UGGT2: variants seen among roughly 807,000 people sequenced by gnomAD.
UGGT2 encodes the protein UDP-glucose glycoprotein glucosyltransferase 2.
UGGT2 carries 180 observed loss-of-function variants against 192.1 expected under a neutral mutation model. The observed-to-expected ratio is 0.94, with a 90% CI of 0.83 to 1.06. The LOEUF (loss-of-function observed/expected upper bound fraction) is 1.06. UGGT2 is among the 50% of genes least tolerant of loss of function. The probability of loss-of-function intolerance (pLI) is 0.00; values close to 1 mark genes in which losing one functional copy is unlikely to be tolerated. For missense variants in UGGT2, 1,849 were observed against 1,795.7 expected, an observed-to-expected ratio of 1.03 and a Z score of -0.54; for synonymous variants, 580 against 591.0, an observed-to-expected ratio of 0.98 and a Z score of 0.27.
At position 95,955,352 on chromosome 13, in the gene UGGT2, A is replaced by G. The variant is rs186957200; in HGVS notation, c.1336-5898T>C. Among the ~76,000 whole-genome samples, 3 of 152,266 alleles carry G rather than the reference A, an allele frequency of 2.0e-5. No individual in the cohort carries two copies. In the East Asian group the frequency reaches 5.8e-4, roughly 29 times the overall value. On this transcript the variant is annotated intron_variant, in intron 12 of 38. Coordinates refer to ENST00000376747, the MANE Select transcript of UGGT2 (RefSeq NM_020121.4). ...TAGATTAGTTTCCAGAAAAGTTGCA[A>G]TAGGCCAAAAAGGTAAAAAATGAAA...
At position 95,877,703 on chromosome 13, in the gene UGGT2, G is replaced by A. The variant is rs2047380506; in HGVS notation, c.3382C>T (p.His1128Tyr). ...PAVVDTIVMA[H>Y]HGYFQLKANP... Reference sequence around the variant, plus strand: ...ATCAATTAAATAATACTTACATGATGTGCCATCACTATTGTATCAACCACA... The same window carrying A: ...ATCAATTAAATAATACTTACATGATATGCCATCACTATTGTATCAACCACA... The change falls in exon 28 of 39, where the codon CAT (histidine) becomes TAT (tyrosine). Residue 1128 changes from histidine (H) to tyrosine (Y), a missense_variant. Coordinates refer to ENST00000376747, the MANE Select transcript of UGGT2 (RefSeq NM_020121.4). The A allele has an allele frequency of 1.2e-6, 2 of 1,611,286 alleles. No homozygotes were observed. Among genetic ancestry groups the A allele is most frequent in the South Asian group, 1.1e-5 (1 of 90,134 alleles).
rs961676012 is a variant in UGGT2, at chr13:95,995,610, CA to C, written c.830+452del. ...TCTGCAATACACACAAACTGGTACA[CA>C]AAAAAAAAATTAAATGAAAAAGTAG... On this transcript the variant is annotated intron_variant, in intron 7 of 38. Coordinates refer to ENST00000376747, the MANE Select transcript of UGGT2 (RefSeq NM_020121.4). Among the ~76,000 whole-genome samples, 92 of 144,484 alleles carry C rather than the reference CA, an allele frequency of 6.4e-4. 2 individuals carry two copies. In the East Asian group the frequency reaches 0.016, roughly 26 times the overall value. 94.8% of individuals were successfully genotyped at this position (144,484 alleles called of 152,430 possible).
chr13:95,942,710 C>T lies in UGGT2; in HGVS notation c.1678-2619G>A, dbSNP rs375819511. Reference sequence around the variant, plus strand: ...CATGGAATATAAATATTTTATTGGCCATATGTATTGTAAATACTTCTCCTG... The same window carrying T: ...CATGGAATATAAATATTTTATTGGCTATATGTATTGTAAATACTTCTCCTG... On this transcript the variant is annotated intron_variant, in intron 15 of 38. Transcript: ENST00000376747. Among the ~76,000 whole-genome samples the T allele has an allele frequency of 2.0e-4, 31 of 151,990 alleles. No individual in the cohort carries two copies. The East Asian group carries it at 5.8e-3, about 28-fold the overall frequency.
intron 1 of UGGT2, among the ~76,000 whole-genome samples, chr13:96,036,858 G>A (rs920634020): frequency 5.3e-5 from 8 of 151,656 alleles, no homozygotes; most frequent in African/African-American, 1.2e-4. Flanking sequence ...GGTCTCAAGC[G>A]ATCCTCCCAC....
chr13:95,938,210 T>C (rs1329149104), intron 16 of UGGT2, among the ~76,000 whole-genome samples: 1 of 152,096 alleles, frequency 6.6e-6, no homozygotes, highest in Non-Finnish European at 1.5e-5. Context: ...AGCGTGAAAA[T>C]GGACTAATAC....
intron 20 of UGGT2, among the ~76,000 whole-genome samples, chr13:95,924,395 T>C (rs2048951502): frequency 5.0e-5 from 2 of 39,890 alleles, no homozygotes; most frequent in Non-Finnish European, 9.6e-5. Flanking sequence ...CCAAACAGCT[T>C]TTTTTTTTTT....
intron 12 of UGGT2, among the ~76,000 whole-genome samples, chr13:95,969,824 T>C (rs144163567): frequency 1.3e-5 from 2 of 152,328 alleles, no homozygotes; most frequent in Non-Finnish European, 2.9e-5. Context: ...AACCATGTAT[T>C]TGGTGTCTTG....
intron 20 of UGGT2, among the ~76,000 whole-genome samples, chr13:95,908,906 A>G (rs1172504559): frequency 9.9e-5 from 13 of 130,750 alleles, no homozygotes; most frequent in Non-Finnish European, 1.9e-4. Flanking sequence ...TTGCCTGTTC[A>G]CTCTGATGGT....
At chr13:95,874,779 C>A (rs1178479394) in intron 29 of UGGT2, among the ~76,000 whole-genome samples, 1 of 152,026 alleles carries the variant, frequency 6.6e-6, no homozygotes, top group Non-Finnish European at 1.5e-5. Context: ...GCAGTTGCCA[C>A]CTCGTGGGGT....
intron 36 of UGGT2, among the ~76,000 whole-genome samples, chr13:95,843,631 T>C (rs979078840): frequency 1.3e-5 from 2 of 152,200 alleles, no homozygotes; most frequent in Non-Finnish European, 2.9e-5. Flanking sequence ...TTGGAATTAA[T>C]TTTTACTTAC....
chr13:95,894,580 A>G lies in UGGT2; in HGVS notation c.2837T>C (p.Phe946Ser), dbSNP rs761575066. The change falls in exon 24 of 39, where the codon TTT (phenylalanine) becomes TCT (serine). Residue 946 changes from phenylalanine (F) to serine (S), a missense_variant. Transcript: ENST00000376747. The part of the protein sequence containing the change: ...PKRASRYDVT[F>S]LRENHSVIKT... ...TTCTTACCTGTGATTCTCCCTAAGA[A>G]ATGTGACATCATATCGAGATGCACG... 6.2e-7 allele frequency: 1 copy of G among 1,610,316 alleles called. No individual in the cohort carries two copies.
chr13:95,959,692 A>C (rs969053301), intron 12 of UGGT2, among the ~76,000 whole-genome samples: 1 of 152,192 alleles, frequency 6.6e-6, no homozygotes, highest in African/African-American at 2.4e-5. Flanking sequence ...TAGGTCCTAG[A>C]GAATTGTCCC....
intron 20 of UGGT2, 73 bp downstream of exon 20, chr13:95,925,607 T>C: frequency 5.0e-6 from 5 of 992,122 alleles, no homozygotes; most frequent in Non-Finnish European, 7.0e-6. Context: ...AAATATTTAA[T>C]GTATGTTCTT....
chr13:95,861,750 GA>G (rs1428023390), intron 31 of UGGT2, among the ~76,000 whole-genome samples: 5 of 152,034 alleles, frequency 3.3e-5, no homozygotes, highest in Non-Finnish European at 7.4e-5. Flanking sequence ...TGTTATGACA[GA>G]AGTATTTTTC....
Position 95,970,194 on chromosome 13 carries a change from T to TC in UGGT2, c.1252dup (p.Glu418GlyfsTer31). 1 of 1,613,100 alleles carries TC rather than the reference T, an allele frequency of 6.2e-7. No individual in the cohort carries two copies. Among genetic ancestry groups the TC allele is most frequent in the Non-Finnish European group, 8.5e-7 (1 of 1,179,198 alleles). On this transcript the variant is annotated frameshift_variant, in exon 12 of 39. Coordinates refer to ENST00000376747, the MANE Select transcript of UGGT2 (RefSeq NM_020121.4). LOFTEE classifies it high-confidence loss of function. ...TAATTTTAAAAATTTGCTCATATCTTCCCCATTGATCCCAAGATTGCGAAG... is the reference window on the plus strand; with the variant it reads ...TAATTTTAAAAATTTGCTCATATCTTCCCCCATTGATCCCAAGATTGCGAAG...
chr13:96,052,639 CT>C (rs2053518038), intron 1 of UGGT2, among the ~76,000 whole-genome samples: 1 of 152,164 alleles, frequency 6.6e-6, no homozygotes, highest in South Asian at 2.1e-4. Context: ...AACTAGAATA[CT>C]AAAGGGCAAA....
Position 95,902,897 on chromosome 13 carries a change from G to A in UGGT2, c.2459C>T (p.Thr820Ile), listed in dbSNP as rs1417392752. 6.2e-7 allele frequency: 1 copy of A among 1,613,296 alleles called. No individual in the cohort carries two copies. The highest frequency in any genetic ancestry group is 2.2e-5 in the East Asian group (1 of 44,802). ...AATTTTATCTCCAGAGTAAATAGCT[G>A]TAGCAATTTCTTCCTTTGCCAGTTG... ...LGQLAKEEIA[T>I]AIYSGDKIKT... The change falls in exon 21 of 39, where the codon ACA becomes ATA. Residue 820 changes from threonine to isoleucine, a missense_variant. Coordinates refer to ENST00000376747, the MANE Select transcript of UGGT2 (RefSeq NM_020121.4).
intron 17 of UGGT2, among the ~76,000 whole-genome samples, chr13:95,929,293 G>C (rs537525951): frequency 6.6e-6 from 1 of 152,172 alleles, no homozygotes; most frequent in African/African-American, 2.4e-5. Context: ...TATTTTTAAA[G>C]AATTTCAGCT....
chr13:95,934,836 G>A (rs1260486744), intron 17 of UGGT2, among the ~76,000 whole-genome samples: 2 of 152,120 alleles, frequency 1.3e-5, no homozygotes, highest in Non-Finnish European at 2.9e-5. Context: ...TTGTCTGACT[G>A]GGTTAGTTCA....
Sources: gnomAD v4.1 joint callset for allele counts (sites outside exome capture counted in the v4.1 genomes callset) on GRCh38, gnomAD v4.1.1 for gene constraint, MANE v1.5 for transcripts, NCBI Gene and HGNC (gene_info 2026-07-23, HGNC 2026-07-21) for gene names.